The following CTIF variants were observed in gnomAD, a reference collection of about 807,000 sequenced individuals.
The protein encoded by CTIF is cap binding complex dependent translation initiation factor.
In CTIF, 21 loss-of-function variants were observed where a neutral mutation model predicts 66.0. The ratio of observed to expected loss-of-function variants is 0.32; its 90% confidence interval spans 0.23 to 0.46. CTIF has a LOEUF of 0.46. Ranked by LOEUF, CTIF falls within the 20% of genes least tolerant of loss-of-function variation. The probability of loss-of-function intolerance (pLI) is 1.00; values close to 1 mark genes in which losing one functional copy is unlikely to be tolerated. For synonymous variants in CTIF, 345 were observed against 326.4 expected, an observed-to-expected ratio of 1.06 and a Z score of -0.62; for missense variants, 739 against 812.7, an observed-to-expected ratio of 0.91 and a Z score of 1.10.
chr18:48,712,051 C>T (rs1466456019), intron 7 of CTIF, among the ~76,000 whole-genome samples: 1 of 152,282 alleles, frequency 6.6e-6, no homozygotes, highest in African/African-American at 2.4e-5. Flanking sequence ...ATAGGACTGG[C>T]TGGCTGTGTG....
chr18:48,833,553 T>C (rs1350724370), intron 10 of CTIF, among the ~76,000 whole-genome samples: 1 of 151,844 alleles, frequency 6.6e-6, no homozygotes, highest in Non-Finnish European at 1.5e-5. Flanking sequence ...TCAGATCACC[T>C]CACCCCTTTC....
chr18:48,636,616 G>C lies in CTIF; in HGVS notation c.183G>C (p.Trp61Cys). ...GATCGCTCCTTTCTGTTCTGCAGTG[G>C]ACAGCGGACTGCAGCGAACCGCTGG... ...SERTQSHISQ[W>C]TADCSEPLDS... Residue 61 changes from tryptophan to cysteine, a missense_variant and splice_region_variant, in exon 3 of 12, where the codon TGG (tryptophan) becomes TGC (cysteine). By Grantham distance (215) the Trp-to-Cys change is radical. Transcript: ENST00000256413. 2 of 1,573,784 alleles carry C rather than the reference G, an allele frequency of 1.3e-6. No homozygotes were observed. Among genetic ancestry groups the C allele is most frequent in the African/African-American group, 1.4e-5 (1 of 73,616 alleles).
intron 7 of CTIF, among the ~76,000 whole-genome samples, chr18:48,747,652 A>G (rs1453444103): frequency 1.3e-5 from 2 of 151,972 alleles, no homozygotes; most frequent in African/African-American, 4.8e-5. Flanking sequence ...CACACTTGTA[A>G]TCCCAGCGCT....
At chr18:48,811,205 TCTC>T (rs1465842028) in intron 9 of CTIF, among the ~76,000 whole-genome samples, 1 of 152,170 alleles carries the variant, frequency 6.6e-6, no homozygotes, top group Non-Finnish European at 1.5e-5. Flanking sequence ...TTAAATATCT[TCTC>T]TTCCAAGGAT....
chr18:48,664,555 AG>A lies in CTIF; in HGVS notation c.431+8del, dbSNP rs1568116436. 1.9e-6 allele frequency: 3 copies of A among 1,608,922 alleles called. No homozygotes were observed. Among genetic ancestry groups the A allele is most frequent in the South Asian group, 2.2e-5 (2 of 91,072 alleles). On this transcript the variant is annotated splice_donor_5th_base_variant and intron_variant, in intron 5 of 11. Coordinates refer to ENST00000256413, the MANE Select transcript of CTIF (RefSeq NM_014772.3). ...TGCCACACATCGACCGCGAAGGGTA[AG>A]GGGTGCTGGGGCTCTTACCCAGGGT...
At chr18:48,824,230 A>G (rs1299335310) in intron 10 of CTIF, among the ~76,000 whole-genome samples, 1 of 152,232 alleles carries the variant, frequency 6.6e-6, no homozygotes, top group African/African-American at 2.4e-5. Context: ...ATGAAAAAAG[A>G]CACAAACAAA....
chr18:48,619,237 C>G (rs911209925), intron 1 of CTIF, among the ~76,000 whole-genome samples: 19 of 152,310 alleles, frequency 1.2e-4, no homozygotes, highest in African/African-American at 4.1e-4. Flanking sequence ...TCTGCCTTTC[C>G]CAGCGATTAA....
chr18:48,670,708 C>A lies in CTIF; in HGVS notation c.471C>A (p.Asn157Lys). Residue 157 changes from asparagine (N) to lysine (K), a missense_variant, in exon 6 of 12, where the codon AAC (asparagine) becomes AAA (lysine). By Grantham distance (94) the Asn-to-Lys change is moderately conservative. Coordinates refer to ENST00000256413, the MANE Select transcript of CTIF (RefSeq NM_014772.3). ...KGKLEDGDGINLNDIEKVLPA... is the reference protein window; with the variant it reads ...KGKLEDGDGIKLNDIEKVLPA... ...AGCTGGAAGATGGGGATGGCATCAA[C>A]CTGAATGACATCGAGAAGGTCCTTC... 1 of 1,614,178 alleles carries A rather than the reference C, an allele frequency of 6.2e-7. No homozygotes were observed. Among genetic ancestry groups the A allele is most frequent in the Non-Finnish European group, 8.5e-7 (1 of 1,180,004 alleles).
At chr18:48,603,689 G>A (rs897805771) in intron 1 of CTIF, among the ~76,000 whole-genome samples, 2 of 151,908 alleles carry the variant, frequency 1.3e-5, no homozygotes, top group African/African-American at 4.8e-5. Context: ...TGGATTGCTG[G>A]GTGGATGGAT....
intron 9 of CTIF, among the ~76,000 whole-genome samples, chr18:48,777,878 A>G (rs1479093271): frequency 6.6e-6 from 1 of 152,196 alleles, no homozygotes; most frequent in African/African-American, 2.4e-5. Context: ...TGGCCTCAGT[A>G]GCCTTGTACA....
At chr18:48,678,131 G>T (rs556597636) in intron 6 of CTIF, among the ~76,000 whole-genome samples, 47 of 152,218 alleles carry the variant, frequency 3.1e-4, no homozygotes, top group Middle Eastern at 6.8e-3. Flanking sequence ...TCCAGGAGAC[G>T]GTAGTCACGT....
chr18:48,658,157 G>A lies in CTIF; in HGVS notation c.253-5595G>A, dbSNP rs571052950. ...GTGTGTGTGGTACATGTATGTTTGT[G>A]TGTGATGTGTGTGTATGTGTGAGGT... On this transcript the variant is annotated intron_variant, in intron 3 of 11. Coordinates refer to ENST00000256413, the MANE Select transcript of CTIF (RefSeq NM_014772.3). 1.0e-3 allele frequency among the ~76,000 whole-genome samples: 152 copies of A among 152,158 alleles called. 1 individual carries two copies. Among genetic ancestry groups the A allele is most frequent in the African/African-American group, 3.3e-3 (138 of 41,494 alleles).
chr18:48,657,838 G>C (rs1282645708), intron 3 of CTIF, among the ~76,000 whole-genome samples: 1 of 152,144 alleles, frequency 6.6e-6, no homozygotes, highest in Non-Finnish European at 1.5e-5. Flanking sequence ...CTGCTGCTTC[G>C]TGTGCCCTTG....
intron 10 of CTIF, among the ~76,000 whole-genome samples, chr18:48,853,520 C>T (rs1018460272): frequency 1.3e-4 from 20 of 152,190 alleles, no homozygotes; most frequent in Non-Finnish European, 4.4e-5. Flanking sequence ...CGTTGCTCTC[C>T]ACCTGCTCAT....
intron 7 of CTIF, among the ~76,000 whole-genome samples, chr18:48,716,615 C>T (rs1309488854): frequency 6.6e-6 from 1 of 152,164 alleles, no homozygotes; most frequent in Non-Finnish European, 1.5e-5. Flanking sequence ...GTGGTGCTCA[C>T]AGCGGCCACC....
intron 7 of CTIF, among the ~76,000 whole-genome samples, chr18:48,728,468 A>G (rs1157747560): frequency 2.0e-5 from 3 of 152,210 alleles, no homozygotes; most frequent in African/African-American, 7.2e-5. Context: ...ACAGTTTATG[A>G]CGGTCAAGCA....
Position 48,853,737 on chromosome 18 carries a change from G to A in CTIF, c.1528-3851G>A, listed in dbSNP as rs561973334. Among the ~76,000 whole-genome samples the A allele has an allele frequency of 1.6e-4, 25 of 152,372 alleles. 1 individual carries two copies. In the South Asian group the frequency reaches 4.4e-3, roughly 27 times the overall value. On this transcript the variant is annotated intron_variant, in intron 10 of 11. Transcript: ENST00000256413. Reference sequence around the variant, plus strand: ...AGTTTGGCCTGCAGCCAAGCCTGCCGTGGGTCCTCAGCTCCTGTGGTGAAT... The same window carrying A: ...AGTTTGGCCTGCAGCCAAGCCTGCCATGGGTCCTCAGCTCCTGTGGTGAAT...
intron 1 of CTIF, among the ~76,000 whole-genome samples, chr18:48,585,006 C>T (rs2089736079): frequency 6.6e-6 from 1 of 152,218 alleles, no homozygotes; most frequent in Non-Finnish European, 1.5e-5. Flanking sequence ...AGGACAGAGG[C>T]ACCTATTGGG....
intron 6 of CTIF, among the ~76,000 whole-genome samples, chr18:48,674,838 A>G (rs986205478): frequency 3.9e-4 from 59 of 152,206 alleles, no homozygotes; most frequent in African/African-American, 1.4e-3. Context: ...CTAGTTAAGT[A>G]AAGGGTCTGT....
Sources: gnomAD v4.1 joint callset for allele counts (sites outside exome capture counted in the v4.1 genomes callset) on GRCh38, gnomAD v4.1.1 for gene constraint, MANE v1.5 for transcripts, NCBI Gene and HGNC (gene_info 2026-07-23, HGNC 2026-07-21) for gene names.